Variants in EML5 observed in about 807,000 individuals in gnomAD.
EML5 encodes the protein EMAP like 5, also known as echinoderm microtubule-associated protein-like 5.
EML5 carries 120 observed loss-of-function variants against 250.0 expected under a neutral mutation model. The ratio of observed to expected loss-of-function variants is 0.48; its 90% CI spans 0.41 to 0.56. EML5 has a LOEUF of 0.56. Ranked by LOEUF, EML5 falls within the 20% of genes least tolerant of loss-of-function variation. EML5 has a pLI of 0.00. For synonymous variants in EML5, 771 were observed against 806.5 expected (o/e 0.96, Z 0.75); for missense variants, 2,006 against 2,437.6 (o/e 0.82, Z 3.73).
At chr14:88,671,072 C>G (rs1006239697) in intron 21 of EML5, among the ~76,000 whole-genome samples, 2 of 152,096 alleles carry the variant, frequency 1.3e-5, no homozygotes, top group African/African-American at 4.8e-5. Context: ...CAGTAAGATA[C>G]TCCATGAGAA....
chr14:88,705,455 G>T (rs1271516704), intron 12 of EML5, 27 bp downstream of exon 12: 6 of 1,511,632 alleles, frequency 4.0e-6, no homozygotes, highest in Non-Finnish European at 3.6e-6. Context: ...ACTTTTTAGA[G>T]AAAAACCATG....
chr14:88,680,939 A>G (rs544118181), intron 21 of EML5, among the ~76,000 whole-genome samples: 1 of 152,292 alleles, frequency 6.6e-6, no homozygotes, highest in Admixed American at 6.5e-5. Flanking sequence ...AAAAAACAAG[A>G]AAACATCCAA....
At chr14:88,631,802 A>C (rs191170675) in intron 33 of EML5, among the ~76,000 whole-genome samples, 15 of 152,204 alleles carry the variant, frequency 9.9e-5, no homozygotes, top group African/African-American at 3.1e-4. Context: ...AGAAAAACCC[A>C]AAGTGCTATG....
chr14:88,696,304 C>T (rs1038980041), intron 15 of EML5, among the ~76,000 whole-genome samples: 3 of 151,992 alleles, frequency 2.0e-5, no homozygotes, highest in Non-Finnish European at 2.9e-5. Flanking sequence ...CTTCCCAATT[C>T]ACACCCTAGC....
intron 1 of EML5, among the ~76,000 whole-genome samples, chr14:88,773,541 T>G (rs1331946977): frequency 6.6e-6 from 1 of 152,172 alleles, no homozygotes; most frequent in Non-Finnish European, 1.5e-5. Flanking sequence ...CACCTGAACA[T>G]GGATTACTAT....
At chr14:88,787,823 C>T (rs1482045404) in intron 1 of EML5, among the ~76,000 whole-genome samples, 1 of 152,060 alleles carries the variant, frequency 6.6e-6, no homozygotes, top group South Asian at 2.1e-4. Context: ...ACTACTTCTA[C>T]ATATTGCACA....
chr14:88,644,629 C>A (rs555278655), intron 29 of EML5, 118 bp from the exon 30 acceptor site: 136 of 799,894 alleles, frequency 1.7e-4, no homozygotes, highest in South Asian at 1.1e-3. Context: ...ATGACCCATT[C>A]TGTGGTCCAC....
In EML5 at chr14:88,618,753, T is replaced by C; in HGVS notation, c.5435A>G (p.Tyr1812Cys). The C allele has an allele frequency of 6.2e-7, 1 of 1,604,072 alleles. No individual in the cohort carries two copies. The highest frequency in any genetic ancestry group is 8.5e-7 in the Non-Finnish European group (1 of 1,174,538). The part of the protein sequence containing the change: ...VGSSENSVDF[Y>C]DLTLGPTLNR... ...AAGAGTGGGGCCCAGCGTTAGGTCA[T>C]AAAAATCCACTGAGTTCTCACTAGA... is the stretch of plus-strand genomic sequence containing the variant. The change falls in exon 40 of 44, where the codon TAT becomes TGT. Residue 1812 changes from tyrosine (Y) to cysteine (C), a missense_variant. Transcript: ENST00000554922.
At chr14:88,687,593 A>G (rs1017509654) in intron 18 of EML5, among the ~76,000 whole-genome samples, 1 of 152,144 alleles carries the variant, frequency 6.6e-6, no homozygotes, top group Non-Finnish European at 1.5e-5. Flanking sequence ...AAGTTAGATC[A>G]CCACTCTCAG....
rs34008480 is a variant in EML5, at chr14:88,670,319, C to CAAA, written c.3125-4833_3125-4831dup. On this transcript the variant is annotated intron_variant, in intron 21 of 43. Transcript: ENST00000554922. The stretch of plus-strand genomic sequence containing the variant: ...TGGGTGATAGAGCAGGACTCCATCT[C>CAAA]AAAAAAAAAAAAAAAAAGGAGAAAA... 8.4e-3 allele frequency among the ~76,000 whole-genome samples: 682 copies of CAAA among 81,154 alleles called. 20 individuals are homozygous for CAAA. Among genetic ancestry groups the CAAA allele is most frequent in the African/African-American group, 0.028 (625 of 22,596 alleles). The allele number at this position is 81,154 out of a possible 152,430, so 53.2% of individuals were successfully genotyped here.
intron 1 of EML5, among the ~76,000 whole-genome samples, chr14:88,786,655 C>T (rs1272294662): frequency 6.6e-6 from 1 of 152,136 alleles, no homozygotes; most frequent in African/African-American, 2.4e-5. Context: ...ATCATGGGGG[C>T]AGTTTCCCCC....
chr14:88,669,970 G>C (rs371361438), intron 21 of EML5, among the ~76,000 whole-genome samples: 5 of 152,070 alleles, frequency 3.3e-5, no homozygotes, highest in Non-Finnish European at 5.9e-5. Context: ...AGAAGGTCTG[G>C]AGTGGACCTC....
intron 21 of EML5, among the ~76,000 whole-genome samples, chr14:88,677,318 A>T (rs896117549): frequency 2.0e-5 from 3 of 152,208 alleles, no homozygotes. Flanking sequence ...TGGATTAAAG[A>T]CTTAAATGTA....
intron 35 of EML5, chr14:88,625,476 A>G (rs190942545): frequency 1.2e-5 from 2 of 166,782 alleles, no homozygotes; most frequent in Non-Finnish European, 2.6e-5. Flanking sequence ...ATCTCAGCTC[A>G]CCACAACCTC....
rs573295244 is a variant in EML5 at position 88,645,027 on chromosome 14, C to T, written c.4029-516G>A. Among the ~76,000 whole-genome samples the T allele has an allele frequency of 3.9e-4, 56 of 144,170 alleles. 1 individual carries two copies. The South Asian group carries it at 0.011, about 27-fold the overall frequency. 94.6% of individuals were successfully genotyped at this position (144,170 alleles called of 152,430 possible). Reference sequence around the variant, plus strand: ...GCCACCACACCCAGCCTTTTCTCTTCTTTCTTTCTTTCTTTTTTAGACCAA... The same window carrying T: ...GCCACCACACCCAGCCTTTTCTCTTTTTTCTTTCTTTCTTTTTTAGACCAA... On this transcript the variant is annotated intron_variant, in intron 29 of 43. Transcript: ENST00000554922.
intron 20 of EML5, among the ~76,000 whole-genome samples, chr14:88,684,764 T>C (rs1428944045): frequency 6.6e-6 from 1 of 152,080 alleles, no homozygotes; most frequent in East Asian, 1.9e-4. Flanking sequence ...CACCCAATCA[T>C]TTCATTATAA....
At chr14:88,701,646 C>T (rs1286544723) in intron 14 of EML5, among the ~76,000 whole-genome samples, 2 of 152,044 alleles carry the variant, frequency 1.3e-5, no homozygotes, top group African/African-American at 2.4e-5. Context: ...TTCAGGAAAG[C>T]TATATAGGAG....
chr14:88,664,571 T>C lies in EML5; in HGVS notation c.3331A>G (p.Asn1111Asp), dbSNP rs2092249758. 2 of 1,610,816 alleles carry C rather than the reference T, an allele frequency of 1.2e-6. No individual in the cohort carries two copies. The highest frequency in any genetic ancestry group is 1.3e-5 in the African/African-American group (1 of 74,862). Residue 1111 changes from asparagine to aspartate, a missense_variant, in exon 23 of 44, where the codon AAT (asparagine) becomes GAT (aspartate). This residue lies in a region of EML5 where 1,375 missense variants were observed against 1,590.3 expected (regional missense o/e 0.86). Transcript: ENST00000554922. ...CCTACTCGTTTACTACTCATTACAT[T>C]GTATATATCTATAAAGCTGTCATGG... is the stretch of plus-strand genomic sequence containing the variant. ...ASHDSFIDIY[N>D]VMSSKRVGIC...
intron 8 of EML5, among the ~76,000 whole-genome samples, chr14:88,721,722 A>G (rs979987131): frequency 6.6e-6 from 1 of 152,190 alleles, no homozygotes; most frequent in South Asian, 2.1e-4. Context: ...AGATTTCATG[A>G]AGAAATCGCT....
Sources: allele counts gnomAD v4.1 joint callset (sites outside exome capture counted in the v4.1 genomes callset), GRCh38; gene constraint gnomAD v4.1.1; regional missense constraint gnomAD v4.1.1; transcripts MANE v1.5; gene names NCBI Gene and HGNC (gene_info 2026-07-23, HGNC 2026-07-21).